The following QPCT variants were observed in gnomAD, a reference collection of about 807,000 sequenced individuals.
The protein encoded by QPCT is EC.
QPCT carries 44 observed loss-of-function variants against 43.4 expected under a neutral mutation model. The observed-to-expected ratio is 1.01, with a 90% CI of 0.80 to 1.30. The LOEUF (loss-of-function observed/expected upper bound fraction) is 1.30. Ranked by LOEUF, QPCT falls within the 50% of genes most tolerant of loss-of-function variation. The pLI is 0.00. For synonymous variants in QPCT, 168 were observed against 168.4 expected (o/e 1.00, Z 0.02); for missense variants, 526 against 436.5 (o/e 1.21, Z -1.83).
chr2:37,362,295 C>T (rs761284581), intron 3 of QPCT, among the ~76,000 whole-genome samples: 6 of 152,162 alleles, frequency 3.9e-5, no homozygotes, highest in Non-Finnish European at 8.8e-5. Flanking sequence ...CTTTCAAGGC[C>T]CTTTAAACAA....
At chr2:37,347,245 T>TATATATAA (rs1342216739) in intron 1 of QPCT, among the ~76,000 whole-genome samples, 1 of 108,110 alleles carries the variant, frequency 9.2e-6, no homozygotes, top group South Asian at 2.7e-4. Context: ...TATATATATA[T>TATATATAA]AACATATATA....
At chr2:37,347,983 A>G (rs1357112565) in intron 1 of QPCT, among the ~76,000 whole-genome samples, 1 of 152,226 alleles carries the variant, frequency 6.6e-6, no homozygotes, top group Non-Finnish European at 1.5e-5. Context: ...AATGTCACCC[A>G]TAACCCCACT....
intron 1 of QPCT, among the ~76,000 whole-genome samples, chr2:37,350,567 G>A (rs1423740580): frequency 6.6e-6 from 1 of 152,210 alleles, no homozygotes; most frequent in African/African-American, 2.4e-5. Flanking sequence ...TAAACTGGAA[G>A]TGCATAAATG....
intron 1 of QPCT, among the ~76,000 whole-genome samples, chr2:37,345,862 T>TATGGGTTCACAATTAC (rs1005654480): frequency 4.7e-5 from 7 of 149,016 alleles, no homozygotes; most frequent in African/African-American, 1.7e-4. Flanking sequence ...AAAAGAAGTA[T>TATGGGTTCACAATTAC]ATGGGTTCAC....
chr2:37,361,268 G>T (rs1442818910), intron 3 of QPCT, among the ~76,000 whole-genome samples: 5 of 152,142 alleles, frequency 3.3e-5, no homozygotes, highest in African/African-American at 4.8e-5. Flanking sequence ...GTCATGGATT[G>T]GGTAGACGGT....
At chr2:37,348,566 A>G (rs977931721) in intron 1 of QPCT, among the ~76,000 whole-genome samples, 1 of 152,210 alleles carries the variant, frequency 6.6e-6, no homozygotes, top group African/African-American at 2.4e-5. Flanking sequence ...CATTTCTGTA[A>G]TGATCTCCCT....
At chr2:37,370,677 C>T (rs1673054623) in intron 5 of QPCT, among the ~76,000 whole-genome samples, 1 of 152,082 alleles carries the variant, frequency 6.6e-6, no homozygotes, top group Admixed American at 6.6e-5. Context: ...GATTTAGAGT[C>T]AAATAAATGG....
chr2:37,365,629 G>T (rs1049889922), intron 3 of QPCT, among the ~76,000 whole-genome samples: 2 of 151,970 alleles, frequency 1.3e-5, no homozygotes, highest in Admixed American at 1.3e-4. Context: ...ATCCAGCAGA[G>T]ATAGAAAAAT....
chr2:37,371,296 T>G (rs1484332166), intron 5 of QPCT, among the ~76,000 whole-genome samples: 1 of 151,992 alleles, frequency 6.6e-6, no homozygotes, highest in Non-Finnish European at 1.5e-5. Flanking sequence ...ACTTGCACCT[T>G]CATTCAATTT....
intron 1 of QPCT, among the ~76,000 whole-genome samples, chr2:37,345,720 C>T (rs1021396650): frequency 1.3e-5 from 2 of 151,954 alleles, no homozygotes; most frequent in African/African-American, 2.4e-5. Context: ...CCTGTAATCC[C>T]AGCTACTCGG....
chr2:37,360,027 T>C (rs953067086), intron 3 of QPCT, 169 bp downstream of exon 3: 8 of 741,518 alleles, frequency 1.1e-5, no homozygotes, highest in Non-Finnish European at 1.5e-5. Context: ...ATATCAACCA[T>C]GGGCAATAAA....
At chr2:37,354,759 A>G (rs1236826779) in intron 2 of QPCT, among the ~76,000 whole-genome samples, 1 of 152,182 alleles carries the variant, frequency 6.6e-6, no homozygotes, top group Non-Finnish European at 1.5e-5. Flanking sequence ...ATTTTCCAAA[A>G]GCCTCAGTTC....
chr2:37,357,721 A>G (rs1572732346), intron 2 of QPCT, among the ~76,000 whole-genome samples: 1 of 152,244 alleles, frequency 6.6e-6, no homozygotes, highest in South Asian at 2.1e-4. Flanking sequence ...CTTTTGCAGG[A>G]CCGACTGTAG....
Position 37,359,649 on chromosome 2 carries a change from A to G in QPCT, c.337A>G (p.Thr113Ala). The G allele has an allele frequency of 6.2e-7, 1 of 1,614,120 alleles. No homozygotes were observed. The change falls in exon 3 of 7, where the codon ACA becomes GCA. Residue 113 changes from threonine (T) to alanine (A), a missense_variant. Coordinates refer to ENST00000338415, the MANE Select transcript of QPCT (RefSeq NM_012413.4). ...GGAAATAGACACCTTCTTGAGTCAG[A>G]CACCCTATGGGTACCGGTCTTTCTC... is the stretch of plus-strand genomic sequence containing the variant. ...VLEIDTFLSQ[T>A]PYGYRSFSNI...
Position 37,372,822 on chromosome 2 carries a change from T to C in QPCT, c.1081T>C (p.Leu361=), listed in dbSNP as rs768544928. ...AGTCTTTGTGTTGGAATATCTTCATTTGTAATACTCTGATTTAGTTTAGGA... is the reference window on the plus strand; with the variant it reads ...AGTCTTTGTGTTGGAATATCTTCATCTGTAATACTCTGATTTAGTTTAGGA... The part of the protein sequence containing the change: ...LQVFVLEYLH[L] The change falls in exon 7 of 7, where the codon TTG becomes CTG. Residue 361 remains leucine, a synonymous_variant. Coordinates refer to ENST00000338415, the MANE Select transcript of QPCT (RefSeq NM_012413.4). 8 of 1,607,190 alleles carry C rather than the reference T, an allele frequency of 5.0e-6. No individual in the cohort carries two copies. Among genetic ancestry groups the C allele is most frequent in the African/African-American group, 4.0e-5 (3 of 74,658 alleles).
At chr2:37,372,542 GAT>G in intron 6 of QPCT, 70 bp downstream of exon 6, 1 of 1,473,444 alleles carries the variant, frequency 6.8e-7, no homozygotes, top group African/African-American at 1.4e-5. Context: ...ACAACGGTGG[GAT>G]ATGAGAAAGT....
chr2:37,365,432 C>A (rs558332203), intron 3 of QPCT, among the ~76,000 whole-genome samples: 1 of 152,150 alleles, frequency 6.6e-6, no homozygotes, highest in Non-Finnish European at 1.5e-5. Flanking sequence ...TTTCAGTACA[C>A]GGTGGAGATA....
intron 3 of QPCT, among the ~76,000 whole-genome samples, chr2:37,364,831 C>T (rs1028531380): frequency 2.6e-5 from 4 of 151,874 alleles, no homozygotes; most frequent in East Asian, 1.9e-4. Flanking sequence ...GTCTGGAGAT[C>T]GGCAGTGAAG....
intron 2 of QPCT, among the ~76,000 whole-genome samples, chr2:37,354,383 T>C (rs1237426531): frequency 6.6e-6 from 1 of 152,248 alleles, no homozygotes; most frequent in Non-Finnish European, 1.5e-5. Context: ...TGAGCAGTTT[T>C]TCTGGGTCAG....
Sources: gnomAD v4.1 joint callset for allele counts (sites outside exome capture counted in the v4.1 genomes callset) on GRCh38, gnomAD v4.1.1 for gene constraint, MANE v1.5 for transcripts, NCBI Gene and HGNC (gene_info 2026-07-23, HGNC 2026-07-21) for gene names.